ZNF385D: variants seen among roughly 807,000 people sequenced by gnomAD.
The protein encoded by ZNF385D is zinc finger protein 385D.
In ZNF385D, 15 loss-of-function variants were observed where a neutral mutation model predicts 35.8. The ratio of observed to expected loss-of-function variants is 0.42; its 90% CI spans 0.28 to 0.64. The LOEUF (loss-of-function observed/expected upper bound fraction) is 0.64. ZNF385D is among the 30% of genes least tolerant of loss of function. The probability of loss-of-function intolerance (pLI) is 0.23; values close to 1 mark genes in which losing one functional copy is unlikely to be tolerated. For missense variants in ZNF385D, 474 were observed against 494.6 expected, an observed-to-expected ratio of 0.96 and a Z score of 0.39; for synonymous variants, 212 against 186.8, an observed-to-expected ratio of 1.13 and a Z score of -1.10.
At chr3:22,290,623 C>T (rs1352799752) in intron 2 of ZNF385D, among the ~76,000 whole-genome samples, 2 of 152,136 alleles carry the variant, frequency 1.3e-5, no homozygotes, top group East Asian at 3.9e-4. Context: ...TTCTGTCTGC[C>T]ATGTTTCTGA....
intron 2 of ZNF385D, among the ~76,000 whole-genome samples, chr3:22,222,649 T>C (rs1698327428): frequency 6.6e-6 from 1 of 152,180 alleles, no homozygotes; most frequent in South Asian, 2.1e-4. Flanking sequence ...CTCAGTGTTT[T>C]CATCTGTAAT....
In ZNF385D at chr3:21,721,609, G is replaced by A. The variant is rs534842046; in HGVS notation, c.22+29286C>T. ...ACCTAATTTACTTTAAAATATTTTC[G>A]ATTCTTAAATCCCTTAGCAATGATA... On this transcript the variant is annotated intron_variant, in intron 1 of 7. Coordinates refer to ENST00000281523, the MANE Select transcript of ZNF385D (RefSeq NM_024697.3). Among the ~76,000 whole-genome samples, 8 of 151,972 alleles carry A rather than the reference G, an allele frequency of 5.3e-5. No individual in the cohort carries two copies. The South Asian group carries it at 1.0e-3, about 20-fold the overall frequency.
At chr3:21,827,457 T>A (rs1157197929) in intron 3 of ZNF385D, among the ~76,000 whole-genome samples, 1 of 152,202 alleles carries the variant, frequency 6.6e-6, no homozygotes, top group African/African-American at 2.4e-5. Context: ...TATCGAGACA[T>A]CAATTGACAC....
intron 4 of ZNF385D, among the ~76,000 whole-genome samples, chr3:21,508,292 G>A (rs1359453121): frequency 6.6e-6 from 1 of 152,020 alleles, no homozygotes; most frequent in Non-Finnish European, 1.5e-5. Context: ...CTTCTGAAAG[G>A]ACAGATCCTG....
chr3:21,974,511 G>C lies in ZNF385D; in HGVS notation c.325+194306C>G, dbSNP rs553010006. Among the ~76,000 whole-genome samples the C allele has an allele frequency of 5.3e-5, 8 of 152,152 alleles. No individual in the cohort carries two copies. In the South Asian group the frequency reaches 1.7e-3, roughly 32 times the overall value. On this transcript the variant is annotated intron_variant, in intron 3 of 5. Transcript: ENST00000494108. Reference sequence around the variant, plus strand: ...AAAAACTCTCTAGGGCATTGGTCTGGGCAAAGATTTCCTGAGTAATACTCT... The same window carrying C: ...AAAAACTCTCTAGGGCATTGGTCTGCGCAAAGATTTCCTGAGTAATACTCT...
intron 3 of ZNF385D, among the ~76,000 whole-genome samples, chr3:21,795,899 G>C (rs762412527): frequency 2.0e-5 from 3 of 152,180 alleles, no homozygotes; most frequent in Non-Finnish European, 4.4e-5. Context: ...ATTAATTCAA[G>C]ACCTAGCATG....
intron 1 of ZNF385D, among the ~76,000 whole-genome samples, chr3:21,732,738 G>A (rs1383332223): frequency 2.6e-5 from 4 of 152,158 alleles, no homozygotes; most frequent in Non-Finnish European, 4.4e-5. Context: ...TAATCAGGTT[G>A]TTTGTTTTCT....
intron 4 of ZNF385D, among the ~76,000 whole-genome samples, chr3:21,481,415 C>A (rs1020036139): frequency 6.6e-6 from 1 of 152,192 alleles, no homozygotes; most frequent in Non-Finnish European, 1.5e-5. Flanking sequence ...TCCCCATACA[C>A]ATTCTCCTCT....
intron 4 of ZNF385D, among the ~76,000 whole-genome samples, chr3:21,498,786 AC>A (rs1263537687): frequency 2.0e-5 from 3 of 151,996 alleles, no homozygotes; most frequent in Non-Finnish European, 4.4e-5. Context: ...TACTAAAAAT[AC>A]AAAAAATTAG....
intron 3 of ZNF385D, among the ~76,000 whole-genome samples, chr3:22,116,053 T>C (rs553777710): frequency 6.6e-6 from 1 of 152,164 alleles, no homozygotes; most frequent in African/African-American, 2.4e-5. Context: ...TGTGTTCATA[T>C]AAAAAGTTCA....
chr3:22,162,794 C>T (rs1162869877), intron 3 of ZNF385D, among the ~76,000 whole-genome samples: 1 of 152,126 alleles, frequency 6.6e-6, no homozygotes, highest in African/African-American at 2.4e-5. Context: ...TCTCTATGGT[C>T]AATTGATGTC....
intron 3 of ZNF385D, among the ~76,000 whole-genome samples, chr3:21,988,868 G>A (rs184766227): frequency 2.0e-5 from 3 of 152,210 alleles, no homozygotes; most frequent in Admixed American, 1.3e-4. Flanking sequence ...ATATACTCTC[G>A]TGGTGCGCCG....
chr3:22,131,406 A>G (rs1703777383), intron 3 of ZNF385D, among the ~76,000 whole-genome samples: 1 of 152,206 alleles, frequency 6.6e-6, no homozygotes, highest in Admixed American at 6.5e-5. Context: ...AAGCTCTTTC[A>G]AAGTGTTTTT....
At chr3:22,357,154 G>C (rs1164036985) in intron 2 of ZNF385D, among the ~76,000 whole-genome samples, 1 of 151,854 alleles carries the variant, frequency 6.6e-6, no homozygotes, top group Non-Finnish European at 1.5e-5. Flanking sequence ...TTTCGGATGG[G>C]AAGAAAAATA....
chr3:22,152,186 G>T (rs540760580), intron 3 of ZNF385D, among the ~76,000 whole-genome samples: 1 of 152,174 alleles, frequency 6.6e-6, no homozygotes, highest in South Asian at 2.1e-4. Flanking sequence ...ATATGATCTC[G>T]TTCTTTTTTA....
intron 3 of ZNF385D, among the ~76,000 whole-genome samples, chr3:21,894,054 G>A (rs773557944): frequency 3.3e-5 from 5 of 152,166 alleles, no homozygotes; most frequent in African/African-American, 4.8e-5. Context: ...TCTGTGTCTC[G>A]AGGCAGTTAG....
At chr3:22,181,458 A>G (rs1414636989) in intron 2 of ZNF385D, among the ~76,000 whole-genome samples, 1 of 152,060 alleles carries the variant, frequency 6.6e-6, no homozygotes, top group Non-Finnish European at 1.5e-5. Context: ...GCACTTTGGG[A>G]GGCCGAGGCG....
chr3:22,095,418 C>G (rs1209890093), intron 3 of ZNF385D, among the ~76,000 whole-genome samples: 3 of 151,934 alleles, frequency 2.0e-5, no homozygotes, highest in East Asian at 1.9e-4. Context: ...TAACTTTCCT[C>G]TGAGAATCTT....
At chr3:21,502,532 T>C (rs1011405476) in intron 4 of ZNF385D, among the ~76,000 whole-genome samples, 2 of 152,188 alleles carry the variant, frequency 1.3e-5, no homozygotes, top group African/African-American at 4.8e-5. Context: ...ATCAGCCAAA[T>C]AGAACCAGCC....
Sources: allele counts gnomAD v4.1 joint callset (sites outside exome capture counted in the v4.1 genomes callset), GRCh38; gene constraint gnomAD v4.1.1; transcripts MANE v1.5; gene names NCBI Gene and HGNC (gene_info 2026-07-23, HGNC 2026-07-21).